HEATR4: variants seen among roughly 807,000 people sequenced by gnomAD.
The protein encoded by HEATR4 is HEAT repeat-containing protein 4.
HEATR4 carries 95 observed loss-of-function variants against 108.8 expected under a neutral mutation model. The observed-to-expected ratio is 0.87, with a 90% CI of 0.74 to 1.04. The LOEUF (loss-of-function observed/expected upper bound fraction) is 1.04, where lower values mean the gene tolerates loss of function less well. HEATR4 is among the 50% of genes least tolerant of loss of function. The pLI, the probability that HEATR4 is intolerant of heterozygous loss-of-function variation, is 0.00. For missense variants in HEATR4, 1,152 were observed against 1,253.8 expected, an observed-to-expected ratio of 0.92 and a Z score of 1.23; for synonymous variants, 443 against 459.4, an observed-to-expected ratio of 0.96 and a Z score of 0.46.
chr14:73,583,751 G>A, the HEATR4 span, among the ~76,000 whole-genome samples: 325 of 151,372 alleles, frequency 2.1e-3, no homozygotes, highest in African/African-American at 7.6e-3. Flanking sequence ...TGTAATCCCA[G>A]CACTTTGGGA....
At position 73,478,735 on chromosome 14, in the gene HEATR4, G is replaced by C; in HGVS notation, c.2952C>G (p.Pro984=). Residue 984 remains proline (P), a synonymous_variant, in exon 18 of 18, where the codon CCC becomes CCG. Transcript: ENST00000553558. The stretch of plus-strand genomic sequence containing the variant: ...ATGGTCCCACAGCAATCCTTTTCTC[G>C]GGGGAGGTGCGTAGATCTTTGACAA... The part of the protein sequence containing the change: ...SSLVKDLRTS[P]EKRIAVGPFR... 6.2e-7 allele frequency: 1 copy of C among 1,613,924 alleles called. No homozygotes were observed. Among genetic ancestry groups the C allele is most frequent in the South Asian group, 1.1e-5 (1 of 91,052 alleles).
the HEATR4 span, chr14:73,592,367 CCAG>C: frequency 1.9e-6 from 3 of 1,578,338 alleles, no homozygotes; most frequent in South Asian, 3.5e-5. Flanking sequence ...GGGTGCGGCG[CCAG>C]TCGGTGCGAG....
In HEATR4 at chr14:73,503,978, C is replaced by T. The variant is rs146335594; in HGVS notation, c.1987-965G>A. Among the ~76,000 whole-genome samples the T allele has an allele frequency of 2.1e-3, 314 of 152,080 alleles. 1 individual carries two copies. The highest frequency in any genetic ancestry group is 5.0e-3 in the African/African-American group (209 of 41,484). On this transcript the variant is annotated intron_variant, in intron 10 of 17. Coordinates refer to ENST00000553558, the MANE Select transcript of HEATR4 (RefSeq NM_001220484.1). ...GTTGTCAATTCTAAGTGACAAGTGCCAAGGAGGTGAAGGTACAAATGAATT... is the reference window on the plus strand; with the variant it reads ...GTTGTCAATTCTAAGTGACAAGTGCTAAGGAGGTGAAGGTACAAATGAATT...
At chr14:73,595,167 G>T in the HEATR4 span, 1 of 1,614,114 alleles carries the variant, frequency 6.2e-7, no homozygotes, top group African/African-American at 1.3e-5. Flanking sequence ...TCTGGGATCA[G>T]TGGGAACACA....
At chr14:73,577,979 T>C in the HEATR4 span, among the ~76,000 whole-genome samples, 2 of 151,964 alleles carry the variant, frequency 1.3e-5, no homozygotes, top group South Asian at 2.1e-4. Context: ...GCCTCCCAAG[T>C]AGCTGGGAAT....
At chr14:73,532,459 A>G (rs145136285) in intron 1 of HEATR4, among the ~76,000 whole-genome samples, 2,418 of 115,846 alleles carry the variant, frequency 0.021, 749 homozygotes, top group Non-Finnish European at 0.033. Context: ...AAACTAATTT[A>G]TCCTGACAGC....
At chr14:73,513,762 C>G (rs570077345) in intron 6 of HEATR4, among the ~76,000 whole-genome samples, 1 of 130,486 alleles carries the variant, frequency 7.7e-6, no homozygotes, top group African/African-American at 2.8e-5. Context: ...AAAAAATGGT[C>G]TCTGCCTCTG....
At chr14:73,585,638 G>A in the HEATR4 span, among the ~76,000 whole-genome samples, 2 of 151,666 alleles carry the variant, frequency 1.3e-5, no homozygotes, top group Admixed American at 6.6e-5. Context: ...CCAATGAGCC[G>A]GGATCGCACC....
the HEATR4 span, chr14:73,569,879 G>A: frequency 6.2e-7 from 1 of 1,603,462 alleles, no homozygotes. Context: ...TCTTCCTGCC[G>A]CCAGGTGACT....
intron 1 of HEATR4, among the ~76,000 whole-genome samples, chr14:73,535,067 T>C (rs1888817903): frequency 8.7e-6 from 1 of 115,320 alleles, no homozygotes; most frequent in South Asian, 2.8e-4. Flanking sequence ...GCTCATCATA[T>C]ATTCTTCTGC....
At position 73,508,732 on chromosome 14, in the gene HEATR4, C is replaced by T. The variant is rs1305356364; in HGVS notation, c.1721-438G>A. Among the ~76,000 whole-genome samples, 6 of 112,900 alleles carry T rather than the reference C, an allele frequency of 5.3e-5. No homozygotes were observed. In the Admixed American group the frequency reaches 5.7e-4, roughly 11 times the overall value. 74.1% of individuals were successfully genotyped at this position (112,900 alleles called of 152,430 possible). A position where few individuals can be genotyped will look rare whatever the true frequency, so the allele number is the denominator to read the frequency against. On this transcript the variant is annotated intron_variant, in intron 8 of 17. Coordinates refer to ENST00000553558, the MANE Select transcript of HEATR4 (RefSeq NM_001220484.1). The stretch of plus-strand genomic sequence containing the variant: ...CACCATTGCACTCCAGCCTGGGCAA[C>T]GAGAGTGAAACTCTGTCTCAAAAAA...
intron 6 of HEATR4, among the ~76,000 whole-genome samples, chr14:73,512,376 A>G (rs1181526485): frequency 6.6e-6 from 1 of 152,194 alleles, no homozygotes; most frequent in Non-Finnish European, 1.5e-5. Context: ...ACCCCATCGT[A>G]TCTATCTCTC....
At chr14:73,601,316 C>G in the HEATR4 span, among the ~76,000 whole-genome samples, 1 of 152,118 alleles carries the variant, frequency 6.6e-6, no homozygotes. Context: ...GTAATCCCAG[C>G]ACTTTGGGAG....
intron 17 of HEATR4, chr14:73,491,552 C>CCGGCCTGGGACTCCCCGCTGCGGCGCGT (rs1885744232): frequency 1.3e-6 from 2 of 1,535,162 alleles, no homozygotes; most frequent in Non-Finnish European, 1.7e-6. Flanking sequence ...GGGTGGGGAG[C>CCGGCCTGGGACTCCCCGCTGCGGCGCGT]CGGCCTGGGA....
chr14:73,624,936 G>A, the HEATR4 span, among the ~76,000 whole-genome samples: 1 of 152,112 alleles, frequency 6.6e-6, no homozygotes, highest in Non-Finnish European at 1.5e-5. Flanking sequence ...CAAGTTAAAG[G>A]TCTGTGACAA....
chr14:73,491,241 T>C, intron 17 of HEATR4: 2 of 1,588,884 alleles, frequency 1.3e-6, no homozygotes. Flanking sequence ...GCCGACGACC[T>C]GGGGGACGCG....
At chr14:73,537,851 G>T in intron 1 of HEATR4, 1 of 1,205,126 alleles carries the variant, frequency 8.3e-7, no homozygotes. Context: ...CGCGGGCCGG[G>T]TGCGAGGCAC....
intron 9 of HEATR4, 81 bp downstream of exon 9, chr14:73,508,053 A>T (rs1295229242): frequency 3.7e-6 from 5 of 1,345,950 alleles, no homozygotes; most frequent in Non-Finnish European, 5.3e-6. Context: ...CCCCAGCTGC[A>T]TTTCAGATTG....
In HEATR4 at chr14:73,522,684, C is replaced by T. The variant is rs772953655; in HGVS notation, c.469G>A (p.Val157Ile). ...KLKKSKPAST[V>I]REAPRPLIHH... is the part of the protein sequence containing the mutation. ...ATGAGAGGGCGGGGTGCTTCCCGGACGGTGCTGGCTGGCTTTGATTTCTTC... is the reference window on the plus strand; with the variant it reads ...ATGAGAGGGCGGGGTGCTTCCCGGATGGTGCTGGCTGGCTTTGATTTCTTC... The change falls in exon 3 of 18, where the codon GTC becomes ATC. Residue 157 changes from valine to isoleucine, a missense_variant. By Grantham distance (29) the Val-to-Ile change is conservative. Coordinates refer to ENST00000553558, the MANE Select transcript of HEATR4 (RefSeq NM_001220484.1). 1.5e-5 allele frequency: 25 copies of T among 1,614,068 alleles called. No individual in the cohort carries two copies. Among genetic ancestry groups the T allele is most frequent in the Middle Eastern group, 3.3e-4 (2 of 6,084 alleles).
Sources: gnomAD v4.1 joint callset for allele counts (sites outside exome capture counted in the v4.1 genomes callset) on GRCh38, gnomAD v4.1.1 for gene constraint, MANE v1.5 for transcripts, NCBI Gene and HGNC (gene_info 2026-07-23, HGNC 2026-07-21) for gene names.